Variants in COMMD10 observed in about 807,000 individuals in gnomAD.
The protein encoded by COMMD10 is COMM domain containing 10.
COMMD10 carries 33 observed loss-of-function variants against 28.9 expected under a neutral mutation model. The ratio of observed to expected loss-of-function variants is 1.14; its 90% CI spans 0.87 to 1.53. The LOEUF (loss-of-function observed/expected upper bound fraction) is 1.53, where lower values mean the gene tolerates loss of function less well. Ranked by LOEUF, COMMD10 falls within the 40% of genes most tolerant of loss-of-function variation. The pLI is 0.00. For synonymous variants in COMMD10, 110 were observed against 81.7 expected (o/e 1.35, Z -1.87); for missense variants, 310 against 233.4 (o/e 1.33, Z -2.14).
intron 5 of COMMD10, among the ~76,000 whole-genome samples, chr5:116,150,519 C>T (rs1366304752): frequency 6.7e-6 from 1 of 148,330 alleles, no homozygotes; most frequent in Non-Finnish European, 1.5e-5. Flanking sequence ...TGTTTGTATC[C>T]TCTTTTATTT....
intron 5 of COMMD10, among the ~76,000 whole-genome samples, chr5:116,205,806 A>G (rs2112628245): frequency 6.6e-6 from 1 of 152,256 alleles, no homozygotes; most frequent in South Asian, 2.1e-4. Flanking sequence ...ACACTTGAGT[A>G]TTTTTAATGT....
At chr5:116,272,549 G>A (rs7733482) in intron 5 of COMMD10, among the ~76,000 whole-genome samples, 151,493 of 151,924 alleles carry the variant, frequency 1, 75,545 homozygotes, top group Middle Eastern at 1. Flanking sequence ...TGTTGCCATA[G>A]CCTTTGCTCG....
chr5:116,147,088 T>C (rs992806273), intron 5 of COMMD10, among the ~76,000 whole-genome samples: 1 of 151,976 alleles, frequency 6.6e-6, no homozygotes, highest in Non-Finnish European at 1.5e-5. Flanking sequence ...TTGGGTGTTT[T>C]CTTTTTGCAT....
intron 5 of COMMD10, among the ~76,000 whole-genome samples, chr5:116,258,002 A>C (rs933011757): frequency 1.3e-5 from 2 of 151,720 alleles, no homozygotes; most frequent in African/African-American, 2.4e-5. Context: ...ATTTGTTTTA[A>C]AGAGGGTTCA....
intron 5 of COMMD10, among the ~76,000 whole-genome samples, chr5:116,170,970 G>C (rs1753309102): frequency 6.6e-6 from 1 of 152,062 alleles, no homozygotes; most frequent in Non-Finnish European, 1.5e-5. Context: ...GGCAACAAAG[G>C]CCAAAATTGA....
intron 5 of COMMD10, among the ~76,000 whole-genome samples, chr5:116,188,865 A>C (rs2112608547): frequency 6.6e-6 from 1 of 152,278 alleles, no homozygotes; most frequent in East Asian, 1.9e-4. Flanking sequence ...TGTGAGTTCA[A>C]GCAGTTCACC....
chr5:116,168,063 T>G (rs1753191455), intron 5 of COMMD10, among the ~76,000 whole-genome samples: 1 of 150,164 alleles, frequency 6.7e-6, no homozygotes, highest in Non-Finnish European at 1.5e-5. Flanking sequence ...CAAGACCCAT[T>G]GGTGTGCTGT....
intron 4 of COMMD10, among the ~76,000 whole-genome samples, chr5:116,099,063 A>G (rs1750563679): frequency 6.6e-6 from 1 of 152,214 alleles, no homozygotes; most frequent in Admixed American, 6.5e-5. Flanking sequence ...GCCATACATT[A>G]GATTCCCAGA....
At position 116,292,554 on chromosome 5, in the gene COMMD10, T is replaced by C. The variant is rs1028840431; in HGVS notation, c.*65T>C. 7.3e-7 allele frequency: 1 copy of C among 1,363,112 alleles called. No homozygotes were observed. The highest frequency in any genetic ancestry group is 1.0e-6 in the Non-Finnish European group (1 of 988,908). The allele number at this position is 1,363,112 out of a possible 1,614,324, so 84.4% of individuals were successfully genotyped here. ...CTCATTATTTTGCATTGAAGATACA[T>C]TGCCAGGTTGTGTTTTCTGAAGGAT... On this transcript the variant is annotated 3_prime_UTR_variant, in exon 7 of 7. Coordinates refer to ENST00000274458, the MANE Select transcript of COMMD10 (RefSeq NM_016144.4).
intron 5 of COMMD10, among the ~76,000 whole-genome samples, chr5:116,284,259 G>A (rs1398842185): frequency 1.3e-5 from 2 of 151,864 alleles, no homozygotes; most frequent in African/African-American, 2.4e-5. Flanking sequence ...GAGATGTAAT[G>A]TCATTAACTT....
rs1048802598 is a variant in COMMD10 at position 116,205,027 on chromosome 5, A to G, written c.510+70849A>G. Among the ~76,000 whole-genome samples, 4 of 152,166 alleles carry G rather than the reference A, an allele frequency of 2.6e-5. No individual in the cohort carries two copies. In the South Asian group the frequency reaches 8.3e-4, roughly 32 times the overall value. On this transcript the variant is annotated intron_variant, in intron 5 of 6. Coordinates refer to ENST00000274458, the MANE Select transcript of COMMD10 (RefSeq NM_016144.4). ...CTTGCCATCTCTGTTAGATGCTGCT[A>G]AATGAGACTAGTAAAATGACTGCCA...
At chr5:116,236,944 A>G (rs1430826895) in intron 5 of COMMD10, among the ~76,000 whole-genome samples, 2 of 152,116 alleles carry the variant, frequency 1.3e-5, no homozygotes, top group African/African-American at 2.4e-5. Flanking sequence ...CTGCGAAACT[A>G]AAGCCGATCT....
intron 5 of COMMD10, among the ~76,000 whole-genome samples, chr5:116,240,775 AGTT>A (rs1484195640): frequency 6.6e-6 from 1 of 152,204 alleles, no homozygotes; most frequent in African/African-American, 2.4e-5. Context: ...AAGGTAGAAT[AGTT>A]GTTAAGATTT....
chr5:116,192,058 A>G (rs1046909459), intron 5 of COMMD10, among the ~76,000 whole-genome samples: 4 of 152,018 alleles, frequency 2.6e-5, no homozygotes, highest in East Asian at 3.9e-4. Flanking sequence ...CAGAAGAGAG[A>G]CAGTAATCAC....
At chr5:116,189,614 T>C (rs1748281503) in intron 5 of COMMD10, among the ~76,000 whole-genome samples, 1 of 152,172 alleles carries the variant, frequency 6.6e-6, no homozygotes, top group South Asian at 2.1e-4. Context: ...CTTGGAAAAA[T>C]TGGCCTTAAT....
intron 5 of COMMD10, among the ~76,000 whole-genome samples, chr5:116,157,939 CTTTT>C (rs76882415): frequency 7.2e-6 from 1 of 138,098 alleles, no homozygotes; most frequent in Admixed American, 7.3e-5. Flanking sequence ...CTTTCCTTTA[CTTTT>C]TTTTTTTTTT....
intron 5 of COMMD10, among the ~76,000 whole-genome samples, chr5:116,179,292 A>G (rs1354384079): frequency 2.0e-5 from 3 of 152,158 alleles, no homozygotes; most frequent in Non-Finnish European, 4.4e-5. Flanking sequence ...GATTTTAGGA[A>G]TAATCTAATA....
intron 5 of COMMD10, among the ~76,000 whole-genome samples, chr5:116,145,802 C>T (rs1242335930): frequency 6.6e-6 from 1 of 151,872 alleles, no homozygotes; most frequent in Non-Finnish European, 1.5e-5. Flanking sequence ...CCCCTTTGCT[C>T]AGCACTTCTC....
At chr5:116,287,904 A>G (rs1403967072) in intron 5 of COMMD10, among the ~76,000 whole-genome samples, 1 of 151,700 alleles carries the variant, frequency 6.6e-6, no homozygotes, top group Non-Finnish European at 1.5e-5. Flanking sequence ...TATATATTAC[A>G]TGTACATTAA....
Sources: gnomAD v4.1 joint callset for allele counts (sites outside exome capture counted in the v4.1 genomes callset) on GRCh38, gnomAD v4.1.1 for gene constraint, MANE v1.5 for transcripts, NCBI Gene and HGNC (gene_info 2026-07-23, HGNC 2026-07-21) for gene names.